Variants in STAG2 observed in about 807,000 individuals in gnomAD.
The protein encoded by STAG2 is cohesin subunit SA-2.
A neutral mutation model predicts 108.1 loss-of-function variants in STAG2; 14 were observed. That is an observed-to-expected ratio of 0.13 (90% CI 0.09 to 0.20). STAG2 has a LOEUF of 0.20. Among genes scored for constraint, STAG2 ranks in the 10% least tolerant of loss-of-function variants. The pLI is 1.00. For missense variants in STAG2, 440 were observed against 940.9 expected (o/e 0.47, Z 6.96); for synonymous variants, 307 against 302.7 (o/e 1.01, Z -0.15).
At chrX:123,980,622 G>T (rs1249085363) in intron 1 of STAG2, among the ~76,000 whole-genome samples, 1 of 111,403 alleles carries the variant, frequency 9.0e-6, no homozygotes, top group Non-Finnish European at 1.9e-5. Flanking sequence ...TCCCACACTG[G>T]GTCCCAGGTT....
chrX:124,045,023 T>C (rs1352386515), intron 7 of STAG2, 141 bp from the exon 8 acceptor site: 1 of 504,140 alleles, frequency 2.0e-6, no homozygotes, highest in Non-Finnish European at 3.4e-6. Flanking sequence ...TATTGTTCTC[T>C]TGCCTACTTT....
chrX:124,087,497 G>A (rs747050685), intron 30 of STAG2, among the ~76,000 whole-genome samples: 2 of 111,702 alleles, frequency 1.8e-5, no homozygotes, highest in African/African-American at 3.3e-5. Context: ...GAAATCATAC[G>A]GAGGCATCTT....
At chrX:124,042,809 C>T (rs1250645011) in intron 7 of STAG2, among the ~76,000 whole-genome samples, 164 bp downstream of exon 7, 7 of 110,077 alleles carry the variant, frequency 6.4e-5, no homozygotes, top group South Asian at 3.9e-4. Flanking sequence ...GTCAGGAGTT[C>T]GAGACCAGCT....
rs148261065 is a variant in STAG2 at position 124,003,157 on chromosome X, A to T, written c.-162-18210A>T. Among the ~76,000 whole-genome samples the T allele has an allele frequency of 1.0e-3, 110 of 105,776 alleles. 2 individuals carry two copies. In the East Asian group the frequency reaches 0.03, roughly 28 times the overall value. 91.9% of individuals were successfully genotyped at this position (105,776 alleles called of 115,157 possible). A position where few individuals can be genotyped will look rare whatever the true frequency, so the allele number is the denominator to read the frequency against. On this transcript the variant is annotated intron_variant, in intron 1 of 34. Coordinates refer to ENST00000371145, the MANE Select transcript of STAG2 (RefSeq NM_001042750.2). ...TAATTTTTGTATTTTTAGTAGAGACAGGGTTTCACCATGTTGACCAGGGTG... is the reference window on the plus strand; with the variant it reads ...TAATTTTTGTATTTTTAGTAGAGACTGGGTTTCACCATGTTGACCAGGGTG...
At chrX:124,010,436 G>A (rs755976924) in intron 1 of STAG2, among the ~76,000 whole-genome samples, 2 of 111,583 alleles carry the variant, frequency 1.8e-5, no homozygotes, top group African/African-American at 3.3e-5. Flanking sequence ...GGGTCCATCC[G>A]TGTTGTAATG....
chrX:123,999,670 G>A (rs1382513308), intron 1 of STAG2, among the ~76,000 whole-genome samples: 1 of 111,306 alleles, frequency 9.0e-6, no homozygotes, highest in Non-Finnish European at 1.9e-5. Flanking sequence ...GGAGTGCAGT[G>A]GTGCTATCTC....
chrX:124,060,093 C>A (rs2058336422), intron 15 of STAG2, among the ~76,000 whole-genome samples: 1 of 111,824 alleles, frequency 8.9e-6, no homozygotes, highest in Admixed American at 9.5e-5. Context: ...CCTCCTCCCC[C>A]CGCCAAAGGA....
chrX:124,076,041 C>T (rs972003400), intron 25 of STAG2, among the ~76,000 whole-genome samples: 1 of 111,096 alleles, frequency 9.0e-6, no homozygotes, highest in African/African-American at 3.3e-5. Flanking sequence ...ATTTTGTTGA[C>T]AAACTATCCT....
In STAG2 at chrX:124,093,817, A is replaced by G. The variant is rs1159972764; in HGVS notation, c.3579-201A>G. ...AATGTACTGAAGTAATGTAGAATAAACATAACTCCTTAGCATTTTTAGACA... is the reference window on the plus strand; with the variant it reads ...AATGTACTGAAGTAATGTAGAATAAGCATAACTCCTTAGCATTTTTAGACA... On this transcript the variant is annotated intron_variant, in intron 32 of 34. Coordinates refer to ENST00000371145, the MANE Select transcript of STAG2 (RefSeq NM_001042750.2). 4 of 411,249 alleles carry G rather than the reference A, an allele frequency of 9.7e-6. No homozygotes were observed. The East Asian group carries it at 1.3e-4, about 13-fold the overall frequency. 33.9% of individuals were successfully genotyped at this position (411,249 alleles called of 1,213,427 possible). A position where few individuals can be genotyped will look rare whatever the true frequency, so the allele number is the denominator to read the frequency against.
At chrX:124,067,163 A>G (rs1057143582) in intron 23 of STAG2, among the ~76,000 whole-genome samples, 34 of 111,636 alleles carry the variant, frequency 3.0e-4, no homozygotes, top group African/African-American at 1.0e-3. Flanking sequence ...AATAATGTTA[A>G]ATACTTAGAA....
intron 15 of STAG2, 136 bp downstream of exon 15, chrX:124,058,113 T>C (rs752631017): frequency 8.8e-6 from 2 of 228,329 alleles, no homozygotes; most frequent in Non-Finnish European, 1.5e-5. Context: ...ACTCCCCCAC[T>C]CCCCCAATTT....
At chrX:124,067,785 G>A (rs1030209170) in intron 23 of STAG2, among the ~76,000 whole-genome samples, 1 of 111,536 alleles carries the variant, frequency 9.0e-6, no homozygotes, top group Non-Finnish European at 1.9e-5. Flanking sequence ...TACTCCCAAT[G>A]CTTTGGGAGG....
chrX:124,058,042 G>A (rs1365273730), intron 15 of STAG2, 65 bp downstream of exon 15: 2 of 609,052 alleles, frequency 3.3e-6, no homozygotes, highest in Admixed American at 7.8e-5. Context: ...TTAAAATGAG[G>A]CACATTTAAA....
chrX:124,078,346 ACT>A (rs2058852738), intron 27 of STAG2, among the ~76,000 whole-genome samples: 1 of 110,367 alleles, frequency 9.1e-6, no homozygotes, highest in African/African-American at 3.3e-5. Flanking sequence ...TTTTAAATCT[ACT>A]CTTTTATCCA....
intron 9 of STAG2, among the ~76,000 whole-genome samples, chrX:124,048,622 G>A (rs1159934781): frequency 1.8e-5 from 2 of 110,985 alleles, no homozygotes; most frequent in Non-Finnish European, 3.8e-5. Flanking sequence ...TAGAGTCGGG[G>A]TTTTGCCATG....
At chrX:124,006,524 T>C (rs1365072033) in intron 1 of STAG2, among the ~76,000 whole-genome samples, 4 of 106,782 alleles carry the variant, frequency 3.7e-5, no homozygotes, top group African/African-American at 1.0e-4. Context: ...CTGCAAGCTC[T>C]GCCTCCCGGG....
chrX:124,049,504 T>C (rs1449610406), intron 10 of STAG2, among the ~76,000 whole-genome samples: 2 of 112,437 alleles, frequency 1.8e-5, no homozygotes, highest in African/African-American at 3.2e-5. Context: ...AGTAATCTTA[T>C]AAATTTATGC....
At chrX:123,969,486 A>G (rs1246648489) in intron 1 of STAG2, among the ~76,000 whole-genome samples, 1 of 110,757 alleles carries the variant, frequency 9.0e-6, no homozygotes, top group Non-Finnish European at 1.9e-5. Context: ...ATTCTTTTTT[A>G]TTCTGTTAAT....
rs778337279 is a variant in STAG2 at position 123,977,385 on chromosome X, G to A, written c.-163+15529G>A. Among the ~76,000 whole-genome samples the A allele has an allele frequency of 7.1e-5, 8 of 111,955 alleles. No homozygotes were observed. The East Asian group carries it at 2.0e-3, about 28-fold the overall frequency. On this transcript the variant is annotated intron_variant, in intron 1 of 34. Transcript: ENST00000371145. The stretch of plus-strand genomic sequence containing the variant: ...CAGGTAAACTGGTCTAAGTCAGGCA[G>A]CATTATGATTCCAGTTTGTGTTTTG...
Sources: allele counts gnomAD v4.1 joint callset (sites outside exome capture counted in the v4.1 genomes callset), GRCh38; gene constraint gnomAD v4.1.1; transcripts MANE v1.5; gene names NCBI Gene and HGNC (gene_info 2026-07-23, HGNC 2026-07-21).